The following DDR1 variants were observed in gnomAD, a reference collection of about 807,000 sequenced individuals.
The protein encoded by DDR1 is discoidin domain receptor tyrosine kinase 1.
DDR1 carries 64 observed loss-of-function variants against 97.4 expected under a neutral mutation model. That is an observed-to-expected ratio of 0.66 (90% CI 0.54 to 0.81). The LOEUF (loss-of-function observed/expected upper bound fraction) is 0.81. DDR1 is among the 30% of genes least tolerant of loss of function. DDR1 has a pLI of 0.00. For synonymous variants in DDR1, 458 were observed against 503.7 expected, an observed-to-expected ratio of 0.91 and a Z score of 1.21; for missense variants, 990 against 1,259.6, an observed-to-expected ratio of 0.79 and a Z score of 3.24.
At chr6:30,898,331 G>A in intron 16 of DDR1, 24 bp downstream of exon 16, 2 of 1,577,408 alleles carry the variant, frequency 1.3e-6, no homozygotes, top group Non-Finnish European at 1.7e-6. Flanking sequence ...GGACAGCCAG[G>A]TTGGAGCAGG....
intron 1 of DDR1, chr6:30,885,934 G>A: frequency 1.4e-6 from 1 of 725,248 alleles, no homozygotes; most frequent in Non-Finnish European, 2.1e-6. Context: ...CCCCTGGTTT[G>A]TCTTTGGTTG....
At position 30,889,209 on chromosome 6, in the gene DDR1, A is replaced by G. The variant is rs964623615; in HGVS notation, c.196A>G (p.Ser66Gly). 27 of 1,612,850 alleles carry G rather than the reference A, an allele frequency of 1.7e-5. No individual in the cohort carries two copies. The African/African-American group carries it at 2.8e-4, about 17-fold the overall frequency. ...GCCCCTCTTCACCCTCAGGTTGGAG[A>G]GCAGTGACGGGGATGGGGCCTGGTG... ...STAARHSRLE[S>G]SDGDGAWCPA... Residue 66 changes from serine (S) to glycine (G), a missense_variant, in exon 4 of 18, where the codon AGC becomes GGC. By Grantham distance (56) the Ser-to-Gly change is moderately conservative. Transcript: ENST00000376568. The surrounding 1 kb of genome is among the most constrained non-coding windows in gnomAD (Gnocchi z 4.9).
At position 30,888,104 on chromosome 6, in the gene DDR1, A is replaced by G. The variant is rs995903284; in HGVS notation, c.-42-584A>G. Among the ~76,000 whole-genome samples the G allele has an allele frequency of 1.3e-5, 2 of 152,064 alleles. No homozygotes were observed. The highest frequency in any genetic ancestry group is 2.9e-5 in the Non-Finnish European group (2 of 68,028). ...TACAGCCTTAAAAAAATATCTTGTC[A>G]GTCTGCTTGGTATTTCCCTGAGGCT... On this transcript the variant is annotated intron_variant, in intron 1 of 17. Coordinates refer to ENST00000376568, the MANE Select transcript of DDR1 (RefSeq NM_001297654.2). The surrounding 1 kb of genome is among the most constrained non-coding windows in gnomAD (Gnocchi z 4.2).
chr6:30,892,210 G>A (rs770124243), intron 7 of DDR1, 22 bp downstream of exon 7: 1 of 1,613,580 alleles, frequency 6.2e-7, no homozygotes, highest in Non-Finnish European at 8.5e-7. Flanking sequence ...CGGCTCTCGA[G>A]GAGGGCTCTG....
intron 1 of DDR1, chr6:30,885,230 C>G: frequency 2.0e-6 from 3 of 1,533,240 alleles, no homozygotes; most frequent in Middle Eastern, 1.7e-4. Flanking sequence ...ATGTCACTGC[C>G]GGTGAGCGCC....
At chr6:30,899,058 A>G in intron 17 of DDR1, 21 bp downstream of exon 17, 2 of 1,614,170 alleles carry the variant, frequency 1.2e-6, no homozygotes, top group Non-Finnish European at 1.7e-6. Context: ...AGGAGAGGGA[A>G]GATGGGTCCG....
chr6:30,893,508 G>A (rs933052081), intron 10 of DDR1, 85 bp downstream of exon 10: 31 of 1,500,852 alleles, frequency 2.1e-5, no homozygotes, highest in Non-Finnish European at 2.7e-5. Flanking sequence ...GCAGGGCACA[G>A]CCCACTAGCA....
Position 30,897,746 on chromosome 6 carries a change from A to C in DDR1, c.2216+149A>C. 2.9e-6 allele frequency: 2 copies of C among 687,936 alleles called. No homozygotes were observed. The highest frequency in any genetic ancestry group is 4.8e-6 in the Non-Finnish European group (2 of 413,764). The allele number at this position is 687,936 out of a possible 1,614,324, so 42.6% of individuals were successfully genotyped here. The stretch of plus-strand genomic sequence containing the variant: ...GGGCCTGGGATAAGGAATGTGTGAC[A>C]AGTTAACCCAGGAACATGGACAGAA... On this transcript the variant is annotated intron_variant, in intron 15 of 17. Coordinates refer to ENST00000376568, the MANE Select transcript of DDR1 (RefSeq NM_001297654.2). This position sits in a 1 kb window ranked among gnomAD's most constrained non-coding sequence, Gnocchi z 5.2.
In DDR1 at chr6:30,899,422, G is replaced by A. The variant is rs1391612777; in HGVS notation, c.*126G>A. ...CAGCCCATCACCTCTAATAGAGGCA[G>A]TGAGACTGCAGGTGGGCTGGGCCCA... is the stretch of plus-strand genomic sequence containing the variant. On this transcript the variant is annotated 3_prime_UTR_variant, in exon 18 of 18. Coordinates refer to ENST00000376568, the MANE Select transcript of DDR1 (RefSeq NM_001297654.2). 12 of 1,293,602 alleles carry A rather than the reference G, an allele frequency of 9.3e-6. No homozygotes were observed. The highest frequency in any genetic ancestry group is 1.5e-5 in the African/African-American group (1 of 67,046). 80.1% of individuals were successfully genotyped at this position (1,293,602 alleles called of 1,614,324 possible). A position where few individuals can be genotyped will look rare whatever the true frequency, so the allele number is the denominator to read the frequency against.
rs1786768344 is a variant in DDR1 at position 30,888,637 on chromosome 6, A to G, written c.-42-51A>G. ...CCCATTCTGTCTGTTGCTGTCAGCT[A>G]TGACTCAGTCCCCTGATTAACTTAC... On this transcript the variant is annotated intron_variant, in intron 1 of 17. Transcript: ENST00000376568. The surrounding 1 kb of genome is among the most constrained non-coding windows in gnomAD (Gnocchi z 4.2). The G allele has an allele frequency of 1.3e-6, 2 of 1,558,404 alleles. No individual in the cohort carries two copies. Among genetic ancestry groups the G allele is most frequent in the Non-Finnish European group, 1.7e-6 (2 of 1,150,734 alleles).
rs373564993 is a variant in DDR1, at chr6:30,889,000, C to T, written c.178C>T (p.Arg60Cys). Residue 60 changes from arginine to cysteine, a missense_variant, in exon 3 of 18, where the codon CGC (arginine) becomes TGC (cysteine). Transcript: ENST00000376568. This position sits in a 1 kb window ranked among gnomAD's most constrained non-coding sequence, Gnocchi z 4.2. The part of the protein sequence containing the change: ...SSSWSDSTAA[R>C]HSRLESSDGD... ...CTCCTGGTCAGATTCCACTGCCGCCCGCCACAGCAGGTACTTGGCACACCT... is the reference window on the plus strand; with the variant it reads ...CTCCTGGTCAGATTCCACTGCCGCCTGCCACAGCAGGTACTTGGCACACCT... 5.6e-6 allele frequency: 9 copies of T among 1,613,022 alleles called. No individual in the cohort carries two copies. The highest frequency in any genetic ancestry group is 3.3e-5 in the Admixed American group (2 of 60,020).
In DDR1 at chr6:30,898,183, A is replaced by G. The variant is rs1791644679; in HGVS notation, c.2327A>G (p.Glu776Gly). 1 of 1,614,138 alleles carries G rather than the reference A, an allele frequency of 6.2e-7. No individual in the cohort carries two copies. The highest frequency in any genetic ancestry group is 8.5e-7 in the Non-Finnish European group (1 of 1,180,062). ...DLATRNCLVG[E>G]NFTIKIADFG... is the part of the protein sequence containing the mutation. ...GCCACGCGGAACTGCCTAGTTGGGG[A>G]AAATTTCACCATCAAAATCGCAGAC... Residue 776 changes from glutamate (E) to glycine (G), a missense_variant, in exon 16 of 18, where the codon GAA becomes GGA. Transcript: ENST00000376568.
At position 30,896,611 on chromosome 6, in the gene DDR1, AC is replaced by A. The variant is rs1790873441; in HGVS notation, c.1625-6del. On this transcript the variant is annotated splice_polypyrimidine_tract_variant and intron_variant, in intron 12 of 17. Coordinates refer to ENST00000376568, the MANE Select transcript of DDR1 (RefSeq NM_001297654.2). ...GCCTCGTCCTGTCTTCTTTCCCCTCACCCCTGCAGCCTACAGTGGGGACTAT... is the reference window on the plus strand; with the variant it reads ...GCCTCGTCCTGTCTTCTTTCCCCTCACCCTGCAGCCTACAGTGGGGACTAT... The A allele has an allele frequency of 1.9e-6, 3 of 1,607,958 alleles. No homozygotes were observed. Among genetic ancestry groups the A allele is most frequent in the Non-Finnish European group, 2.5e-6 (3 of 1,177,690 alleles).
rs1477399572 is a variant in DDR1 at position 30,896,756 on chromosome 6, C to G, written c.1760C>G (p.Ala587Gly). Residue 587 changes from alanine (A) to glycine (G), a missense_variant, in exon 13 of 18, where the codon GCT becomes GGT. Ala to Gly is a moderately conservative substitution (Grantham distance 60). Coordinates refer to ENST00000376568, the MANE Select transcript of DDR1 (RefSeq NM_001297654.2). ...LQGVTGGNTY[A>G]VPALPPGAVG... ...GGCGTCACCGGGGGCAACACCTATG[C>G]TGTGCCTGCACTGCCCCCAGGGGCA... 2 of 1,592,756 alleles carry G rather than the reference C, an allele frequency of 1.3e-6. No individual in the cohort carries two copies. The highest frequency in any genetic ancestry group is 1.7e-6 in the Non-Finnish European group (2 of 1,168,624).
chr6:30,882,439 A>G (rs778405563), upstream of DDR1, among the ~76,000 whole-genome samples: 1 of 152,094 alleles, frequency 6.6e-6, no homozygotes, highest in Non-Finnish European at 1.5e-5. The surrounding 1 kb of genome is among the most constrained non-coding windows in gnomAD (Gnocchi z 4.8). Context: ...ACGGATGGGT[A>G]ATCAGGCCCT....
chr6:30,885,053 C>T (rs1785277042), intron 1 of DDR1: 2 of 678,474 alleles, frequency 2.9e-6, no homozygotes, highest in Non-Finnish European at 5.0e-6. Context: ...TATCGCCTGC[C>T]CTCCACCTGG....
At position 30,891,286 on chromosome 6, in the gene DDR1, TAC is replaced by T; in HGVS notation, c.566-92_566-91del. 7.1e-7 allele frequency: 1 copy of T among 1,412,516 alleles called. No individual in the cohort carries two copies. Among genetic ancestry groups the T allele is most frequent in the East Asian group, 2.3e-5 (1 of 43,406 alleles). 87.5% of individuals were successfully genotyped at this position (1,412,516 alleles called of 1,614,324 possible). A position where few individuals can be genotyped will look rare whatever the true frequency, so the allele number is the denominator to read the frequency against. On this transcript the variant is annotated intron_variant, in intron 5 of 17. Coordinates refer to ENST00000376568, the MANE Select transcript of DDR1 (RefSeq NM_001297654.2). This position sits in a 1 kb window ranked among gnomAD's most constrained non-coding sequence, Gnocchi z 5.3. The stretch of plus-strand genomic sequence containing the variant: ...CCATGCCAATGAGCCAGTGGAGAGA[TAC>T]AAGAAGGGACCTGAAACCTGCCCAG...
In DDR1 at chr6:30,892,437, C is replaced by T. The variant is rs759421254; in HGVS notation, c.994C>T (p.Arg332Trp). ...GGGCAACCTGGGGGACCCCAGAGCC[C>T]GGGCTGTCTCAGTGCCCCTTGGCGG... is the stretch of plus-strand genomic sequence containing the variant. ...LGGNLGDPRA[R>W]AVSVPLGGRV... is the part of the protein sequence containing the mutation. Residue 332 changes from arginine to tryptophan, a missense_variant, in exon 8 of 18, where the codon CGG (arginine) becomes TGG (tryptophan). Transcript: ENST00000376568. 2.5e-6 allele frequency: 4 copies of T among 1,607,530 alleles called. No individual in the cohort carries two copies. The highest frequency in any genetic ancestry group is 1.7e-5 in the Admixed American group (1 of 59,954).
At chr6:30,892,715 C>T (rs1461402805) in intron 8 of DDR1, 173 bp downstream of exon 8, 2 of 791,160 alleles carry the variant, frequency 2.5e-6, no homozygotes, top group East Asian at 5.5e-5. Context: ...GCCTCTTGTT[C>T]TCTGCGTATC....
Sources: gnomAD v4.1 joint callset for allele counts (sites outside exome capture counted in the v4.1 genomes callset) on GRCh38, gnomAD v4.1.1 for gene constraint, Gnocchi (gnomAD v3.1) non-coding constraint, MANE v1.5 for transcripts, NCBI Gene and HGNC (gene_info 2026-07-23, HGNC 2026-07-21) for gene names.